The following TTN variants were observed in gnomAD, a reference collection of about 807,000 sequenced individuals.
The protein encoded by TTN is connectin.
In TTN, 1,525 loss-of-function variants were observed where a neutral mutation model predicts 3,223.0. The ratio of observed to expected loss-of-function variants is 0.47; its 90% CI spans 0.45 to 0.49. The LOEUF (loss-of-function observed/expected upper bound fraction) is 0.49, where lower values mean the gene tolerates loss of function less well. TTN is among the 20% of genes least tolerant of loss of function. The pLI is 0.00. For synonymous variants in TTN, 14,094 were observed against 15,161.0 expected, an observed-to-expected ratio of 0.93 and a Z score of 5.17; for missense variants, 40,786 against 43,424.0, an observed-to-expected ratio of 0.94 and a Z score of 5.40.
rs760072489 is a variant in TTN, at chr2:178,562,889, A to G, written c.83243T>C (p.Leu27748Ser). 3 of 1,613,384 alleles carry G rather than the reference A, an allele frequency of 1.9e-6. No homozygotes were observed. The South Asian group carries it at 3.3e-5, about 18-fold the overall frequency. ...TGTTTTGGAGCCACTATTATTTTCT[A>G]ATGTCAGATTATACCGACCACTGTC... ...RFDSGRYNLT[L>S]ENNSGSKTAF... Residue 27748 changes from leucine to serine, a missense_variant, in exon 326 of 363, where the codon TTA becomes TCA. Coordinates refer to ENST00000589042, the MANE Select transcript of TTN (RefSeq NM_001267550.2).
At chr2:178,625,546 C>A (rs985731258) in intron 240 of TTN, 150 bp from the exon 241 acceptor site, 2 of 796,134 alleles carry the variant, frequency 2.5e-6, no homozygotes, top group Non-Finnish European at 3.5e-6. Context: ...ATCATTTCAA[C>A]CAATAGTTTG....
intron 115 of TTN, 85 bp downstream of exon 115, chr2:178,695,263 A>G: frequency 9.5e-7 from 1 of 1,054,756 alleles, no homozygotes; most frequent in Middle Eastern, 2.1e-4. Flanking sequence ...TATTGGATTG[A>G]ACTGCTGATT....
At chr2:178,695,621 T>C (rs529540739) in intron 114 of TTN, among the ~76,000 whole-genome samples, 25 of 152,140 alleles carry the variant, frequency 1.6e-4, no homozygotes, top group Non-Finnish European at 1.5e-5. Flanking sequence ...CTTGAACTTC[T>C]GCATTAGAAA....
At chr2:178,747,684 T>G (rs879012517) in intron 47 of TTN, 8 of 1,612,942 alleles carry the variant, frequency 5.0e-6, no homozygotes, top group Non-Finnish European at 6.8e-6. Context: ...AAATATTGTG[T>G]TAGGGAGGTC....
chr2:178,799,744 AAAAC>A lies in TTN; in HGVS notation c.670-17_670-14del. The stretch of plus-strand genomic sequence containing the variant: ...GGGCTTCAATCTTCTGTAAAAGATT[AAAAC>A]AAAGCCCACGTTGAGGAGGAATAGC... On this transcript the variant is annotated splice_polypyrimidine_tract_variant and intron_variant, in intron 5 of 362. Transcript: ENST00000589042. 1 of 1,614,198 alleles carries A rather than the reference AAAAC, an allele frequency of 6.2e-7. No homozygotes were observed. The highest frequency in any genetic ancestry group is 1.1e-5 in the South Asian group (1 of 91,090).
At chr2:178,679,205 G>T in intron 142 of TTN, 134 bp downstream of exon 142, 1 of 869,718 alleles carries the variant, frequency 1.1e-6, no homozygotes, top group Admixed American at 2.6e-5. Flanking sequence ...CTGCTCCTGT[G>T]GCCAGTTGAG....
rs779336886 is a variant in TTN, at chr2:178,613,239, G to A, written c.49570C>T (p.Arg16524Cys). 1.4e-5 allele frequency: 23 copies of A among 1,611,198 alleles called. No homozygotes were observed. The highest frequency in any genetic ancestry group is 7.7e-5 in the South Asian group (7 of 90,476). ...GLTNKKKYRFRVLAENLAGPG... is the reference protein window; with the variant it reads ...GLTNKKKYRFCVLAENLAGPG... ...CCAGCAAGATTTTCAGCCAACACAC[G>A]GAATCTGTATTTTTTCTTATTAGTG... Residue 16524 changes from arginine to cysteine, a missense_variant, in exon 264 of 363, where the codon CGT becomes TGT. Transcript: ENST00000589042.
At chr2:178,685,744 A>T in intron 127 of TTN, 146 bp from the exon 128 acceptor site, 1 of 723,840 alleles carries the variant, frequency 1.4e-6, no homozygotes, top group Non-Finnish European at 2.3e-6. Context: ...AAAATACTCA[A>T]AGAGCATTTT....
In TTN at chr2:178,688,756, AACAGTTTTCTTAGAGACTTCAGCTTT is replaced by A. The variant is rs1560398348; in HGVS notation, c.32096-4_32117del. 2 of 1,612,994 alleles carry A rather than the reference AACAGTTTTCTTAGAGACTTCAGCTTT, an allele frequency of 1.2e-6. No individual in the cohort carries two copies. Among genetic ancestry groups the A allele is most frequent in the Middle Eastern group, 1.7e-4 (1 of 6,060 alleles). ...CAGCAACAAATCTCTTTTCTTCTAC[AACAGTTTTCTTAGAGACTTCAGCTTT>A]AAGAAAGTGTTAAAGTTGAAGTTTA... On this transcript the variant is annotated splice_acceptor_variant and splice_polypyrimidine_tract_variant and coding_sequence_variant and intron_variant, in exon 126 of 363. Transcript: ENST00000589042. LOFTEE classifies it high-confidence loss of function.
Position 178,536,363 on chromosome 2 carries a change from C to T in TTN, c.100384G>A (p.Glu33462Lys), listed in dbSNP as rs748104690. ...TCACATTTCACACGAAACTCGTATT[C>T]AAGACCTTCAATAAGGTTTTTCACT... ...FSVKNLIEGL[E>K]YEFRVKCENL... The change falls in exon 357 of 363, where the codon GAA becomes AAA. Residue 33462 changes from glutamate to lysine, a missense_variant. Glu to Lys is a moderately conservative substitution (Grantham distance 56). Transcript: ENST00000589042. The T allele has an allele frequency of 1.6e-5, 26 of 1,613,632 alleles. No individual in the cohort carries two copies. The Admixed American group carries it at 3.3e-4, about 21-fold the overall frequency.
At position 178,599,433 on chromosome 2, in the gene TTN, G is replaced by A; in HGVS notation, c.56360C>T (p.Pro18787Leu). Residue 18787 changes from proline (P) to leucine (L), a missense_variant, in exon 290 of 363, where the codon CCT (proline) becomes CTT (leucine). Physicochemically the swap from Pro to Leu is moderately conservative, Grantham distance 98. Coordinates refer to ENST00000589042, the MANE Select transcript of TTN (RefSeq NM_001267550.2). ...MRLNVLGRPG[P>L]PVGPIKFESV... is the part of the protein sequence containing the mutation. ...TTCAAATTTTATGGGTCCCACTGGA[G>A]GGCCAGGACGACCTAAAATGGTTTA... is the stretch of plus-strand genomic sequence containing the variant. 1 of 1,532,296 alleles carries A rather than the reference G, an allele frequency of 6.5e-7. No homozygotes were observed. Among genetic ancestry groups the A allele is most frequent in the Non-Finnish European group, 8.7e-7 (1 of 1,142,928 alleles). The allele number at this position is 1,532,296 out of a possible 1,614,324, so 94.9% of individuals were successfully genotyped here.
intron 253 of TTN, 102 bp downstream of exon 253, chr2:178,617,677 T>C: frequency 6.7e-7 from 1 of 1,486,532 alleles, no homozygotes; most frequent in South Asian, 1.3e-5. Flanking sequence ...TTTATGATAT[T>C]CTACCTTTTT....
At chr2:178,683,959 C>G in intron 133 of TTN, 40 bp downstream of exon 133, 2 of 1,415,038 alleles carry the variant, frequency 1.4e-6, no homozygotes, top group South Asian at 1.4e-5. Flanking sequence ...TGTCTGGATG[C>G]TTATTTTGAT....
Position 178,592,461 on chromosome 2 carries a change from G to C in TTN, c.59544C>G (p.Ala19848=), listed in dbSNP as rs768244565. The change falls in exon 301 of 363, where the codon GCC becomes GCG. Residue 19848 remains alanine, a synonymous_variant. Coordinates refer to ENST00000589042, the MANE Select transcript of TTN (RefSeq NM_001267550.2). ...VGSKLEIRNA[A]HEDGGIYSLT... ...AAGAATAAATTCCACCATCTTCATGGGCAGCATTACGAATTTCAAGCTTGC... is the reference window on the plus strand; with the variant it reads ...AAGAATAAATTCCACCATCTTCATGCGCAGCATTACGAATTTCAAGCTTGC... 2 of 1,613,218 alleles carry C rather than the reference G, an allele frequency of 1.2e-6. No homozygotes were observed. Among genetic ancestry groups the C allele is most frequent in the Non-Finnish European group, 1.7e-6 (2 of 1,179,568 alleles).
In TTN at chr2:178,598,049, T is replaced by G. The variant is rs1334101213; in HGVS notation, c.57121A>C (p.Lys19041Gln). Residue 19041 changes from lysine to glutamine, a missense_variant, in exon 293 of 363, where the codon AAA (lysine) becomes CAA (glutamine). Coordinates refer to ENST00000589042, the MANE Select transcript of TTN (RefSeq NM_001267550.2). ...ACAAGCTTTGTTCCTCTCACTTCTT[T>G]ATCTTTACCCTGGGGAGAAATCATA... ...GKEEWEKGKD[K>Q]EVRGTKLVVT... The G allele has an allele frequency of 5.0e-6, 8 of 1,612,312 alleles. No homozygotes were observed. The African/African-American group carries it at 1.1e-4, about 22-fold the overall frequency.
chr2:178,650,414 A>G lies in TTN; in HGVS notation c.39710-143T>C, dbSNP rs912671641. On this transcript the variant is annotated intron_variant, in intron 209 of 362. Coordinates refer to ENST00000589042, the MANE Select transcript of TTN (RefSeq NM_001267550.2). ...TCTTATTTTTGTTTAGATAAAATCT[A>G]TCTCATTTGCACTGACTTCTTTGTC... The G allele has an allele frequency of 2.5e-5, 22 of 885,516 alleles. No homozygotes were observed. The East Asian group carries it at 3.8e-4, about 15-fold the overall frequency. The allele number at this position is 885,516 out of a possible 1,614,324, so 54.9% of individuals were successfully genotyped here.
At chr2:178,799,970 T>G in intron 4 of TTN, 60 bp from the exon 5 acceptor site, 1 of 1,538,678 alleles carries the variant, frequency 6.5e-7, no homozygotes, top group Non-Finnish European at 9.0e-7. Flanking sequence ...TTAAAAGAGA[T>G]TCTGTTAATT....
intron 37 of TTN, 65 bp from the exon 38 acceptor site, chr2:178,768,998 G>A: frequency 6.3e-7 from 1 of 1,583,222 alleles, no homozygotes; most frequent in Non-Finnish European, 8.6e-7. Context: ...GGTTATAACA[G>A]GTGCAGAATA....
In TTN at chr2:178,560,928, C is replaced by T. The variant is rs1060500439; in HGVS notation, c.85204G>A (p.Ala28402Thr). The T allele has an allele frequency of 1.2e-6, 2 of 1,613,660 alleles. No homozygotes were observed. The highest frequency in any genetic ancestry group is 1.7e-6 in the Non-Finnish European group (2 of 1,179,824). ...AKDGIEIEER[A>T]RTEIISTDNH... ...TCTGTTGAGATGATTTCTGTTCTTG[C>T]TCTTTCTTCAATTTCTATACCATCC... is the stretch of plus-strand genomic sequence containing the variant. Residue 28402 changes from alanine (A) to threonine (T), a missense_variant, in exon 326 of 363, where the codon GCA (alanine) becomes ACA (threonine). By Grantham distance (58) the Ala-to-Thr change is moderately conservative. Coordinates refer to ENST00000589042, the MANE Select transcript of TTN (RefSeq NM_001267550.2).
Sources: gnomAD v4.1 joint callset for allele counts (sites outside exome capture counted in the v4.1 genomes callset) on GRCh38, gnomAD v4.1.1 for gene constraint, MANE v1.5 for transcripts, NCBI Gene and HGNC (gene_info 2026-07-23, HGNC 2026-07-21) for gene names.